LNX2: variants seen among roughly 807,000 people sequenced by gnomAD.
LNX2 encodes ligand of numb-protein X 2.
Under a neutral mutation model 66.2 loss-of-function variants are expected in LNX2, and 35 were observed. The observed-to-expected ratio is 0.53, with a 90% CI of 0.40 to 0.70. The LOEUF is 0.70. Ranked by LOEUF, LNX2 falls within the 30% of genes least tolerant of loss-of-function variation. The pLI, the probability that LNX2 is intolerant of heterozygous loss-of-function variation, is 0.00. For missense variants in LNX2, 791 were observed against 850.8 expected (o/e 0.93, Z 0.87); for synonymous variants, 337 against 315.6 (o/e 1.07, Z -0.72).
Position 27,550,375 on chromosome 13 carries a change from G to A in LNX2, c.1895C>T (p.Thr632Ile), listed in dbSNP as rs1954992553. ...ATAAGCAGGAGTTCCCAAGACAATA[G>A]TTTTAATGAAAAAAGGCTGATTGGT... is the stretch of plus-strand genomic sequence containing the variant. Reference protein sequence around the residue: ...NHTNQPFFIKTIVLGTPAYYD... With the variant: ...NHTNQPFFIKIIVLGTPAYYD... The change falls in exon 9 of 10, where the codon ACT becomes ATT. Residue 632 changes from threonine to isoleucine, a missense_variant. Thr to Ile is a moderately conservative substitution (Grantham distance 89). Coordinates refer to ENST00000316334, the MANE Select transcript of LNX2 (RefSeq NM_153371.4). 1 of 1,613,700 alleles carries A rather than the reference G, an allele frequency of 6.2e-7. No homozygotes were observed. The highest frequency in any genetic ancestry group is 8.5e-7 in the Non-Finnish European group (1 of 1,179,800).
At chr13:27,559,819 T>TA (rs373436911) in intron 6 of LNX2, 23 bp downstream of exon 6, 68,384 of 1,238,018 alleles carry the variant, frequency 0.055, 198 homozygotes, top group African/African-American at 0.11. Context: ...GATGGTGGCA[T>TA]AAAAAAAAAA....
chr13:27,616,538 C>T (rs1452873126), intron 1 of LNX2, among the ~76,000 whole-genome samples: 1 of 152,092 alleles, frequency 6.6e-6, no homozygotes, highest in African/African-American at 2.4e-5. Flanking sequence ...ATTCAGATGG[C>T]TGGGGAGAGG....
At chr13:27,583,176 G>GTGTATA in intron 1 of LNX2, among the ~76,000 whole-genome samples, 1 of 1,046 alleles carries the variant, frequency 9.6e-4, no homozygotes, top group South Asian at 0.026. Flanking sequence ...AGCAGTGTGT[G>GTGTATA]TGTGTGTGTG....
In LNX2 at chr13:27,561,268, A is replaced by G. The variant is rs555049556; in HGVS notation, c.1224+1145T>C. The stretch of plus-strand genomic sequence containing the variant: ...ATAATTTAAACATTGCCTGAAATAC[A>G]TATAGTCCATCTATTATTTTCTATC... On this transcript the variant is annotated intron_variant, in intron 5 of 9. Transcript: ENST00000316334. Among the ~76,000 whole-genome samples, 8 of 152,332 alleles carry G rather than the reference A, an allele frequency of 5.3e-5. No individual in the cohort carries two copies. The East Asian group carries it at 1.3e-3, about 26-fold the overall frequency.
intron 2 of LNX2, among the ~76,000 whole-genome samples, chr13:27,570,587 G>A (rs1199342950): frequency 6.6e-6 from 1 of 152,018 alleles, no homozygotes; most frequent in East Asian, 1.9e-4. Flanking sequence ...GAATGCTCTC[G>A]CAAGGGCCTG....
At chr13:27,575,370 T>C (rs928777223) in intron 2 of LNX2, among the ~76,000 whole-genome samples, 1 of 152,170 alleles carries the variant, frequency 6.6e-6, no homozygotes, top group Non-Finnish European at 1.5e-5. Context: ...TTAAACATTG[T>C]TTCTGAGTGT....
intron 1 of LNX2, among the ~76,000 whole-genome samples, chr13:27,601,009 C>CAA (rs1955652324): frequency 6.6e-6 from 1 of 152,220 alleles, no homozygotes; most frequent in Non-Finnish European, 1.5e-5. Flanking sequence ...ACTTGATACT[C>CAA]AAACAACCCG....
intron 1 of LNX2, among the ~76,000 whole-genome samples, chr13:27,613,314 T>G (rs1955792535): frequency 6.6e-6 from 1 of 151,950 alleles, no homozygotes; most frequent in African/African-American, 2.4e-5. Context: ...ACTGGCACAC[T>G]GTTGCTGTGA....
rs745865339 is a variant in LNX2, at chr13:27,546,857, AGAG to A, written c.*1475_*1477del. ...ATCTTATTCACTTATTTATGTGTTC[AGAG>A]GATAAGTATGTTGAATAAAGGACAA... On this transcript the variant is annotated 3_prime_UTR_variant, in exon 10 of 10. Transcript: ENST00000316334. The A allele has an allele frequency of 1.8e-4, 28 of 152,192 alleles. No individual in the cohort carries two copies. Among genetic ancestry groups the A allele is most frequent in the Non-Finnish European group, 3.7e-4 (25 of 68,010 alleles). 9.4% of individuals were successfully genotyped at this position (152,192 alleles called of 1,614,324 possible).
intron 1 of LNX2, among the ~76,000 whole-genome samples, chr13:27,594,581 G>A (rs1178360816): frequency 6.6e-6 from 1 of 151,720 alleles, no homozygotes; most frequent in Non-Finnish European, 1.5e-5. Flanking sequence ...CTTTATTCTG[G>A]TTAGTATGCA....
intron 1 of LNX2, among the ~76,000 whole-genome samples, chr13:27,599,167 C>G (rs139065067): frequency 1.3e-5 from 2 of 152,286 alleles, no homozygotes; most frequent in Middle Eastern, 3.4e-3. Context: ...GCCTATCAAT[C>G]TCTCACAAAG....
At chr13:27,611,808 C>G (rs571321002) in intron 1 of LNX2, among the ~76,000 whole-genome samples, 4 of 152,294 alleles carry the variant, frequency 2.6e-5, no homozygotes, top group Non-Finnish European at 5.9e-5. Context: ...TTTGAACACA[C>G]TGCTTTAAAA....
intron 6 of LNX2, among the ~76,000 whole-genome samples, chr13:27,557,353 G>T (rs1222878816): frequency 6.6e-6 from 1 of 151,854 alleles, no homozygotes; most frequent in Non-Finnish European, 1.5e-5. Context: ...ACTGTCCTGG[G>T]ATTCAAAATT....
chr13:27,564,017 T>C (rs1447631642), intron 4 of LNX2, among the ~76,000 whole-genome samples: 1 of 152,210 alleles, frequency 6.6e-6, no homozygotes, highest in Admixed American at 6.5e-5. Context: ...CTTCTAAAAA[T>C]CCACGCAGAT....
intron 9 of LNX2, 86 bp downstream of exon 9, chr13:27,550,247 G>T: frequency 8.5e-7 from 1 of 1,182,342 alleles, no homozygotes; most frequent in Non-Finnish European, 1.2e-6. Flanking sequence ...TAATGGGCTG[G>T]ATTTAGTGCT....
intron 1 of LNX2, among the ~76,000 whole-genome samples, chr13:27,600,011 T>A (rs1343025407): frequency 2.0e-5 from 3 of 152,144 alleles, no homozygotes; most frequent in Non-Finnish European, 1.5e-5. Context: ...TTTTCCCCTA[T>A]CAGTTAGCCA....
intron 1 of LNX2, among the ~76,000 whole-genome samples, chr13:27,609,684 T>G (rs999530789): frequency 4.6e-5 from 7 of 152,208 alleles, no homozygotes; most frequent in Admixed American, 1.3e-4. Flanking sequence ...TAGTTGAAAG[T>G]TGACTGATGT....
At chr13:27,565,367 A>G (rs1955191695) in intron 4 of LNX2, among the ~76,000 whole-genome samples, 2 of 152,240 alleles carry the variant, frequency 1.3e-5, no homozygotes, top group Admixed American at 1.3e-4. Context: ...TTTCAGCTAA[A>G]AAGCCCAGAA....
Position 27,547,089 on chromosome 13 carries a change from AC to A in LNX2, c.*1245del, listed in dbSNP as rs1954948456. Reference sequence around the variant, plus strand: ...ATACACAAGAAATACTCCTACCTGAACAAAATAAAAAGGTCTCCCTTTCTCC... The same window carrying A: ...ATACACAAGAAATACTCCTACCTGAAAAAATAAAAAGGTCTCCCTTTCTCC... On this transcript the variant is annotated 3_prime_UTR_variant, in exon 10 of 10. Transcript: ENST00000316334. The A allele has an allele frequency of 6.6e-6, 1 of 152,198 alleles. No homozygotes were observed. Among genetic ancestry groups the A allele is most frequent in the South Asian group, 2.1e-4 (1 of 4,832 alleles). The allele number at this position is 152,198 out of a possible 1,614,324, so 9.4% of individuals were successfully genotyped here. A position where few individuals can be genotyped will look rare whatever the true frequency, so the allele number is the denominator to read the frequency against.
Sources: gnomAD v4.1 joint callset for allele counts (sites outside exome capture counted in the v4.1 genomes callset) on GRCh38, gnomAD v4.1.1 for gene constraint, MANE v1.5 for transcripts, NCBI Gene and HGNC (gene_info 2026-07-23, HGNC 2026-07-21) for gene names.